The following TBC1D8B variants were observed in gnomAD, a reference collection of about 807,000 sequenced individuals.
TBC1D8B encodes RP11-321G1.1.
TBC1D8B carries 75 observed loss-of-function variants against 82.9 expected under a neutral mutation model. The observed-to-expected ratio is 0.90, with a 90% CI of 0.75 to 1.10. TBC1D8B has a LOEUF of 1.10. Ranked by LOEUF, TBC1D8B falls within the 50% of genes least tolerant of loss-of-function variation. The pLI is 0.00. For missense variants in TBC1D8B, 794 were observed against 796.9 expected (o/e 1.00, Z 0.04); for synonymous variants, 276 against 276.8 (o/e 1.00, Z 0.03).
intron 10 of TBC1D8B, among the ~76,000 whole-genome samples, chrX:106,844,975 G>A (rs1341200998): frequency 3.6e-5 from 4 of 110,269 alleles, no homozygotes; most frequent in Non-Finnish European, 5.7e-5. Flanking sequence ...TTAGAAACTC[G>A]TCCATTTTAT....
At chrX:106,816,770 T>G (rs2147727321) in intron 1 of TBC1D8B, among the ~76,000 whole-genome samples, 1 of 111,500 alleles carries the variant, frequency 9.0e-6, no homozygotes, top group Admixed American at 9.6e-5. Flanking sequence ...TTGTGACTCC[T>G]GTTTTTACTT....
chrX:106,848,139 T>A (rs745678135), intron 10 of TBC1D8B, 47 bp from the exon 11 acceptor site: 20 of 886,011 alleles, frequency 2.3e-5, no homozygotes, highest in Non-Finnish European at 3.2e-5. Flanking sequence ...GTATAATTAT[T>A]ACTTGAGCAA....
intron 20 of TBC1D8B, among the ~76,000 whole-genome samples, chrX:106,873,171 C>T (rs182500898): frequency 1.4e-3 from 160 of 111,484 alleles, no homozygotes; most frequent in Non-Finnish European, 2.3e-3. Flanking sequence ...GATCTCGGCT[C>T]ACTGCAACCT....
Position 106,803,055 on chromosome X carries a change from T to TA in TBC1D8B, c.130+73dup, listed in dbSNP as rs1931077998. 23 of 1,056,428 alleles carry TA rather than the reference T, an allele frequency of 2.2e-5. No individual in the cohort carries two copies. In the South Asian group the frequency reaches 5.8e-4, roughly 26 times the overall value. The allele number at this position is 1,056,428 out of a possible 1,213,427, so 87.1% of individuals were successfully genotyped here. On this transcript the variant is annotated intron_variant, in intron 1 of 20. Coordinates refer to ENST00000357242, the MANE Select transcript of TBC1D8B (RefSeq NM_017752.3). The stretch of plus-strand genomic sequence containing the variant: ...CTTAAAAGGTGGTGAGGACAACAGT[T>TA]ACTCGTCGCTACCAGTTTCCCGATC...
intron 10 of TBC1D8B, among the ~76,000 whole-genome samples, chrX:106,844,978 C>T (rs1305663600): frequency 9.0e-6 from 1 of 110,730 alleles, no homozygotes; most frequent in Non-Finnish European, 1.9e-5. Context: ...GAAACTCGTC[C>T]ATTTTATCTA....
rs1602398940 is a variant in TBC1D8B at position 106,802,776 on chromosome X, G to A, written c.-78G>A. ...TGAGGAAGATTTGGTGGGAGGAGAA[G>A]CAGAGGGGAAGAGACGGGTTGAGAG... is the stretch of plus-strand genomic sequence containing the variant. On this transcript the variant is annotated 5_prime_UTR_variant, in exon 1 of 21. Transcript: ENST00000357242. 1 of 1,170,761 alleles carries A rather than the reference G, an allele frequency of 8.5e-7. No individual in the cohort carries two copies. The highest frequency in any genetic ancestry group is 1.8e-5 in the African/African-American group (1 of 56,230).
intron 16 of TBC1D8B, 44 bp from the exon 17 acceptor site, chrX:106,866,753 T>G (rs1052119680): frequency 2.2e-6 from 2 of 917,291 alleles, no homozygotes; most frequent in African/African-American, 2.0e-5. Flanking sequence ...TGATTGAATG[T>G]TCTTTAGATA....
chrX:106,823,032 G>A (rs1931739742), intron 4 of TBC1D8B, among the ~76,000 whole-genome samples, 194 bp from the exon 5 acceptor site: 1 of 110,869 alleles, frequency 9.0e-6, no homozygotes, highest in Non-Finnish European at 1.9e-5. Flanking sequence ...TTTAAAATTA[G>A]ATCTCTTCCT....
chrX:106,823,109 T>G (rs1239336365), intron 4 of TBC1D8B, 117 bp from the exon 5 acceptor site: 3 of 792,666 alleles, frequency 3.8e-6, no homozygotes, highest in Admixed American at 3.6e-5. Flanking sequence ...AACTCTAAAC[T>G]ATTTTAGCTG....
chrX:106,874,202 T>G lies in TBC1D8B; in HGVS notation c.*237T>G. On this transcript the variant is annotated 3_prime_UTR_variant, in exon 21 of 21. Coordinates refer to ENST00000357242, the MANE Select transcript of TBC1D8B (RefSeq NM_017752.3). The stretch of plus-strand genomic sequence containing the variant: ...CAAACCACATTTGTTATCTCAAATT[T>G]TGATGATATTCTCAAATACAAATAT... 3.6e-6 allele frequency: 1 copy of G among 279,091 alleles called. No individual in the cohort carries two copies. Among genetic ancestry groups the G allele is most frequent in the South Asian group, 1.7e-4 (1 of 5,800 alleles). 23.0% of individuals were successfully genotyped at this position (279,091 alleles called of 1,213,427 possible). A position where few individuals can be genotyped will look rare whatever the true frequency, so the allele number is the denominator to read the frequency against.
In TBC1D8B at chrX:106,865,931, G is replaced by A. The variant is rs1172781924; in HGVS notation, c.2560G>A (p.Ala854Thr). The A allele has an allele frequency of 8.3e-7, 1 of 1,210,013 alleles. No homozygotes were observed. Reference sequence around the variant, plus strand: ...GTTGTATCACTTGTTGAGTCCCTGGGCTCATTCTGCAAATAAAGACTCACT... The same window carrying A: ...GTTGTATCACTTGTTGAGTCCCTGGACTCATTCTGCAAATAAAGACTCACT... The part of the protein sequence containing the change: ...RALYHLLSPW[A>T]HSANKDSLAL... The change falls in exon 16 of 21, where the codon GCT (alanine) becomes ACT (threonine). Residue 854 changes from alanine to threonine, a missense_variant. Coordinates refer to ENST00000357242, the MANE Select transcript of TBC1D8B (RefSeq NM_017752.3).
At chrX:106,840,278 A>G (rs1411159401) in intron 9 of TBC1D8B, 80 bp downstream of exon 9, 3 of 954,585 alleles carry the variant, frequency 3.1e-6, no homozygotes, top group African/African-American at 3.9e-5. Context: ...CTAAAGCAAA[A>G]GAATTACAAA....
intron 20 of TBC1D8B, among the ~76,000 whole-genome samples, chrX:106,871,426 T>C (rs1020385301): frequency 8.9e-6 from 1 of 112,160 alleles, no homozygotes; most frequent in Non-Finnish European, 1.9e-5. Flanking sequence ...ATATTTATTC[T>C]AGAATTACTA....
At chrX:106,837,644 A>G (rs775627429) in intron 7 of TBC1D8B, among the ~76,000 whole-genome samples, 3 of 111,606 alleles carry the variant, frequency 2.7e-5, no homozygotes, top group Non-Finnish European at 5.7e-5. Flanking sequence ...TCTAATAACC[A>G]TCATTCCACT....
intron 1 of TBC1D8B, chrX:106,814,792 G>A (rs1437826897): frequency 1.8e-5 from 2 of 112,009 alleles, no homozygotes; most frequent in Admixed American, 9.4e-5. Context: ...TTCTCTGATG[G>A]CCAGTGATGA....
chrX:106,870,476 C>T (rs964694722), intron 19 of TBC1D8B, among the ~76,000 whole-genome samples: 1 of 111,905 alleles, frequency 8.9e-6, no homozygotes, highest in Non-Finnish European at 1.9e-5. Context: ...CTCCCTCTCT[C>T]GCCACATATT....
intron 7 of TBC1D8B, chrX:106,829,402 C>A (rs1460661769): frequency 9.5e-6 from 1 of 104,821 alleles, no homozygotes; most frequent in East Asian, 2.9e-4. Context: ...CCATCCCCAT[C>A]AAGCTACCAA....
At position 106,840,418 on chromosome X, in the gene TBC1D8B, T is replaced by C. The variant is rs769119850; in HGVS notation, c.1504+220T>C. ...GAGCACATTAGTTTATTAGGCAAGA[T>C]ATGTATACTGGGGGAATCTTTAGTG... On this transcript the variant is annotated intron_variant, in intron 9 of 20. Transcript: ENST00000357242. 9.3e-4 allele frequency among the ~76,000 whole-genome samples: 103 copies of C among 111,340 alleles called. 2 individuals carry two copies. The highest frequency in any genetic ancestry group is 3.2e-3 in the African/African-American group (98 of 30,715).
intron 2 of TBC1D8B, 27 bp downstream of exon 2, chrX:106,818,800 C>CA: frequency 9.2e-7 from 1 of 1,088,289 alleles, no homozygotes; most frequent in Non-Finnish European, 1.3e-6. Context: ...AAACATAATT[C>CA]AAATTAAATA....
Sources: allele counts gnomAD v4.1 joint callset (sites outside exome capture counted in the v4.1 genomes callset), GRCh38; gene constraint gnomAD v4.1.1; transcripts MANE v1.5; gene names NCBI Gene and HGNC (gene_info 2026-07-23, HGNC 2026-07-21).